ITPKB: variants seen among roughly 807,000 people sequenced by gnomAD.
ITPKB encodes the protein IP3 3-kinase B.
Under a neutral mutation model 69.4 loss-of-function variants are expected in ITPKB, and 13 were observed. The observed-to-expected ratio is 0.19, with a 90% CI of 0.12 to 0.30. ITPKB has a LOEUF of 0.30. Among genes scored for constraint, ITPKB ranks in the 10% least tolerant of loss-of-function variants. ITPKB has a pLI of 1.00. For missense variants in ITPKB, 1,240 were observed against 1,250.5 expected (o/e 0.99, Z 0.13); for synonymous variants, 584 against 513.7 (o/e 1.14, Z -1.85).
rs946484271 is a variant in ITPKB at position 226,650,147 on chromosome 1, G to A, written c.1933-1376C>T. On this transcript the variant is annotated intron_variant, in intron 2 of 7. Transcript: ENST00000429204. ...GAAGCGCCCAGCTGCAGCCCTCAGG[G>A]GTCAGCGGCGGCTGCTGGGTCCCCA... is the stretch of plus-strand genomic sequence containing the variant. 2.6e-5 allele frequency among the ~76,000 whole-genome samples: 4 copies of A among 152,220 alleles called. No homozygotes were observed. The South Asian group carries it at 6.2e-4, about 24-fold the overall frequency.
chr1:226,689,562 GTTTT>G (rs1253982356), intron 2 of ITPKB, among the ~76,000 whole-genome samples: 4 of 135,328 alleles, frequency 3.0e-5, no homozygotes, highest in Non-Finnish European at 6.3e-5. Flanking sequence ...TTGTCGGAAG[GTTTT>G]ATTTGTGTGT....
At chr1:226,659,873 G>C (rs1669367972) in intron 2 of ITPKB, among the ~76,000 whole-genome samples, 1 of 152,162 alleles carries the variant, frequency 6.6e-6, no homozygotes, top group African/African-American at 2.4e-5. Context: ...CAGCCGGCAG[G>C]AATCCAATAC....
chr1:226,715,936 G>A (rs933156992), intron 2 of ITPKB, among the ~76,000 whole-genome samples: 3 of 152,114 alleles, frequency 2.0e-5, no homozygotes, highest in Admixed American at 6.6e-5. Context: ...TTAGCCTCCT[G>A]AGTAGCTAGG....
intron 2 of ITPKB, among the ~76,000 whole-genome samples, chr1:226,729,546 T>TA (rs1375960541): frequency 1.3e-5 from 2 of 151,706 alleles, no homozygotes; most frequent in Non-Finnish European, 2.9e-5. Flanking sequence ...TCGATACTGT[T>TA]AATTATGGAA....
chr1:226,711,479 G>A (rs891236889), intron 2 of ITPKB, among the ~76,000 whole-genome samples: 137 of 147,628 alleles, frequency 9.3e-4, no homozygotes, highest in African/African-American at 3.4e-3. Flanking sequence ...TGTGTATGTT[G>A]CACAATGGCA....
chr1:226,635,508 G>C (rs1200268913), intron 7 of ITPKB, among the ~76,000 whole-genome samples: 3 of 152,196 alleles, frequency 2.0e-5, no homozygotes, highest in Non-Finnish European at 4.4e-5. Context: ...TTACGGGCAT[G>C]AATCACACTG....
chr1:226,735,937 C>A lies in ITPKB; in HGVS notation c.1522G>T (p.Val508Phe). The A allele has an allele frequency of 6.2e-7, 1 of 1,614,094 alleles. No individual in the cohort carries two copies. Among genetic ancestry groups the A allele is most frequent in the Non-Finnish European group, 8.5e-7 (1 of 1,180,010 alleles). ...GCTTTCTCCATGGTGCCCTGCCAAA[C>A]CCTGGAGTTCCCAGGCTGCACACCC... ...RVGVQPGNSR[V>F]WQGTMEKAGL... is the part of the protein sequence containing the mutation. The change falls in exon 2 of 8, where the codon GTT becomes TTT. Residue 508 changes from valine (V) to phenylalanine (F), a missense_variant. Val to Phe is a conservative substitution (Grantham distance 50). This residue lies in a region of ITPKB where 992 missense variants were observed against 853.8 expected (regional missense o/e 1.16). Transcript: ENST00000429204.
intron 2 of ITPKB, among the ~76,000 whole-genome samples, chr1:226,704,462 G>A (rs1656754885): frequency 6.6e-6 from 1 of 152,198 alleles, no homozygotes; most frequent in Non-Finnish European, 1.5e-5. Context: ...GTGTGAGAAT[G>A]GAGAATAACT....
chr1:226,737,871 G>A (rs1269356625), intron 1 of ITPKB, among the ~76,000 whole-genome samples: 1 of 152,064 alleles, frequency 6.6e-6, no homozygotes, highest in Non-Finnish European at 1.5e-5. Flanking sequence ...GTGCTTCCCC[G>A]CCCCCCACCT....
At position 226,736,210 on chromosome 1, in the gene ITPKB, C is replaced by T. The variant is rs200399460; in HGVS notation, c.1249G>A (p.Ala417Thr). ...DSLSWSRLPR[A>T]LASVGPEEAR... ...TCCTCAGGGCCTACGGAGGCCAGGG[C>T]CCTGGGCAGCCTGGACCAGCTCAGG... Residue 417 changes from alanine (A) to threonine (T), a missense_variant, in exon 2 of 8, where the codon GCC (alanine) becomes ACC (threonine). By Grantham distance (58) the Ala-to-Thr change is moderately conservative. Around this residue, in one of 2 missense-constraint regions of ITPKB, gnomAD observed 992 missense variants for 853.8 expected, o/e 1.16. Transcript: ENST00000429204. The T allele has an allele frequency of 4.3e-5, 66 of 1,535,268 alleles. No homozygotes were observed. The East Asian group carries it at 1.3e-3, about 30-fold the overall frequency.
Position 226,736,280 on chromosome 1 carries a change from T to G in ITPKB, c.1179A>C (p.Pro393=). 1 of 1,597,050 alleles carries G rather than the reference T, an allele frequency of 6.3e-7. No homozygotes were observed. The highest frequency in any genetic ancestry group is 8.5e-7 in the Non-Finnish European group (1 of 1,173,300). Reference sequence around the variant, plus strand: ...TTTGCACGCTCACAGTCGTCTCCTCTGGCCTTTTGCCCACTTCAGGCTCCC... The same window carrying G: ...TTTGCACGCTCACAGTCGTCTCCTCGGGCCTTTTGCCCACTTCAGGCTCCC... The part of the protein sequence containing the change: ...GSGEPEVGKR[P]EETTVSVQSA... Residue 393 remains proline (P), a synonymous_variant, in exon 2 of 8, where the codon CCA becomes CCC. Transcript: ENST00000429204.
chr1:226,726,409 A>G (rs1321287153), intron 2 of ITPKB, among the ~76,000 whole-genome samples: 1 of 152,210 alleles, frequency 6.6e-6, no homozygotes, highest in Non-Finnish European at 1.5e-5. Flanking sequence ...CTGTAATCCC[A>G]ACACTTTGGG....
Position 226,737,100 on chromosome 1 carries a change from G to A in ITPKB, c.359C>T (p.Ser120Phe). The change falls in exon 2 of 8, where the codon TCC becomes TTC. Residue 120 changes from serine (S) to phenylalanine (F), a missense_variant. Ser to Phe is a radical substitution (Grantham distance 155). Coordinates refer to ENST00000429204, the MANE Select transcript of ITPKB (RefSeq NM_002221.4). ...CTTGGCCTCCTCCGGCCCTGGCGGG[G>A]AGAGGGTACCGGCTGCCACCACCTG... is the stretch of plus-strand genomic sequence containing the variant. ...RQQVVAAGTL[S>F]PPGPEEAKRK... is the part of the protein sequence containing the mutation. 6.2e-7 allele frequency: 1 copy of A among 1,607,456 alleles called. No homozygotes were observed. Among genetic ancestry groups the A allele is most frequent in the Non-Finnish European group, 8.5e-7 (1 of 1,179,834 alleles).
intron 2 of ITPKB, among the ~76,000 whole-genome samples, chr1:226,659,016 C>A (rs761665431): frequency 6.6e-6 from 1 of 152,178 alleles, no homozygotes; most frequent in African/African-American, 2.4e-5. Flanking sequence ...TAGACCTGGT[C>A]GGGCTGAAGG....
rs919168879 is a variant in ITPKB at position 226,642,978 on chromosome 1, G to A, written c.2247-853C>T. ...AAGGCCGTATTGTGGGGGAAAGGCA[G>A]GGGGCTCCCTCAGCCTCTGCTCATC... On this transcript the variant is annotated intron_variant, in intron 4 of 7. Transcript: ENST00000429204. The surrounding 1 kb of genome is among the most constrained non-coding windows in gnomAD (Gnocchi z 6.4). Among the ~76,000 whole-genome samples the A allele has an allele frequency of 2.0e-4, 31 of 152,180 alleles. No homozygotes were observed. Among genetic ancestry groups the A allele is most frequent in the African/African-American group, 7.2e-4 (30 of 41,452 alleles).
At chr1:226,709,832 C>T (rs1176705718) in intron 2 of ITPKB, among the ~76,000 whole-genome samples, 1 of 152,190 alleles carries the variant, frequency 6.6e-6, no homozygotes, top group African/African-American at 2.4e-5. Flanking sequence ...CAGTGCTTAA[C>T]TTGTTTGGTG....
intron 2 of ITPKB, among the ~76,000 whole-genome samples, chr1:226,696,883 C>A (rs1229509354): frequency 5.3e-5 from 8 of 152,174 alleles, no homozygotes; most frequent in Non-Finnish European, 7.3e-5. Context: ...GGGGTTAGCA[C>A]AACCTGTCCC....
intron 3 of ITPKB, 108 bp downstream of exon 3, chr1:226,648,564 C>T: frequency 1.3e-6 from 1 of 756,058 alleles, no homozygotes; most frequent in African/African-American, 1.7e-5. Context: ...ACTAGAAAGT[C>T]TTGGAGGGAA....
At chr1:226,720,945 G>T (rs568883437) in intron 2 of ITPKB, among the ~76,000 whole-genome samples, 8 of 151,816 alleles carry the variant, frequency 5.3e-5, no homozygotes, top group Non-Finnish European at 1.2e-4. Flanking sequence ...AGGAGGCTGA[G>T]GCAGAAGAAT....
Sources: gnomAD v4.1 joint callset for allele counts (sites outside exome capture counted in the v4.1 genomes callset) on GRCh38, gnomAD v4.1.1 for gene constraint, gnomAD v4.1.1 regional missense constraint, Gnocchi (gnomAD v3.1) non-coding constraint, MANE v1.5 for transcripts, NCBI Gene and HGNC (gene_info 2026-07-23, HGNC 2026-07-21) for gene names.